The following ATP8A2 variants were observed in gnomAD, a reference collection of about 807,000 sequenced individuals.
ATP8A2 encodes the protein phospholipid-transporting ATPase IB.
ATP8A2 carries 100 observed loss-of-function variants against 165.6 expected under a neutral mutation model. The observed-to-expected ratio is 0.60, with a 90% CI of 0.51 to 0.71. ATP8A2 has a LOEUF of 0.71. Among genes scored for constraint, ATP8A2 ranks in the 30% least tolerant of loss-of-function variants. The pLI, the probability that ATP8A2 is intolerant of heterozygous loss-of-function variation, is 0.00. For missense variants in ATP8A2, 1,227 were observed against 1,479.5 expected, an observed-to-expected ratio of 0.83 and a Z score of 2.80; for synonymous variants, 543 against 548.8, an observed-to-expected ratio of 0.99 and a Z score of 0.15.
rs79292308 is a variant in ATP8A2, at chr13:25,457,855, C to G, written c.77-11122C>G. Among the ~76,000 whole-genome samples, 833 of 152,310 alleles carry G rather than the reference C, an allele frequency of 5.5e-3. 3 individuals carry two copies. Among genetic ancestry groups the G allele is most frequent in the Middle Eastern group, 0.034 (10 of 292 alleles). ...CAACAAGAGAGTCGGGAAAAGCCATCCTACTGGGGAAGTCTATTTTGTGTC... is the reference window on the plus strand; with the variant it reads ...CAACAAGAGAGTCGGGAAAAGCCATGCTACTGGGGAAGTCTATTTTGTGTC... On this transcript the variant is annotated intron_variant, in intron 1 of 36. Coordinates refer to ENST00000381655, the MANE Select transcript of ATP8A2 (RefSeq NM_016529.6).
At chr13:25,742,251 A>T (rs1274278659) in intron 25 of ATP8A2, among the ~76,000 whole-genome samples, 1 of 152,176 alleles carries the variant, frequency 6.6e-6, no homozygotes, top group Non-Finnish European at 1.5e-5. Flanking sequence ...CACAGTAAAA[A>T]TACAGCATTA....
At chr13:25,483,194 G>A (rs974024912) in intron 2 of ATP8A2, among the ~76,000 whole-genome samples, 4 of 152,222 alleles carry the variant, frequency 2.6e-5, no homozygotes, top group Non-Finnish European at 5.9e-5. Flanking sequence ...ACTTGGGATG[G>A]TTAGCAGTGG....
rs1285296706 is a variant in ATP8A2, at chr13:25,640,420, A to T, written c.2211+50721A>T. ...GACACAATAAAAAATGATAAAGGGG[A>T]TATCACCACCAATCCCACAGAAATA... On this transcript the variant is annotated intron_variant, in intron 24 of 36. Transcript: ENST00000381655. 5.3e-5 allele frequency among the ~76,000 whole-genome samples: 8 copies of T among 152,326 alleles called. No homozygotes were observed. In the South Asian group the frequency reaches 1.5e-3, roughly 28 times the overall value.
At chr13:25,411,022 T>G (rs765309519) in intron 1 of ATP8A2, among the ~76,000 whole-genome samples, 5 of 152,170 alleles carry the variant, frequency 3.3e-5, no homozygotes, top group Admixed American at 6.5e-5. Context: ...ACTCCAGGAG[T>G]TCTGGGCTCT....
Position 25,554,199 on chromosome 13 carries a change from C to T in ATP8A2, c.1185+279C>T, listed in dbSNP as rs748336424. Among the ~76,000 whole-genome samples, 8 of 152,136 alleles carry T rather than the reference C, an allele frequency of 5.3e-5. No homozygotes were observed. In the East Asian group the frequency reaches 7.7e-4, roughly 15 times the overall value. On this transcript the variant is annotated intron_variant, in intron 12 of 36. Transcript: ENST00000381655. ...GTCATCTGGCTGCACCTGCTATTCACGCTTTTAACATCTAATTAAGGCTGA... is the reference window on the plus strand; with the variant it reads ...GTCATCTGGCTGCACCTGCTATTCATGCTTTTAACATCTAATTAAGGCTGA...
At chr13:25,862,453 G>A (rs765483736) in intron 33 of ATP8A2, 45 bp downstream of exon 33, 2 of 1,460,734 alleles carry the variant, frequency 1.4e-6, no homozygotes, top group South Asian at 1.1e-5. Context: ...TCTTGTGACA[G>A]CAATGTTTCT....
chr13:25,813,428 G>A (rs1382841406), intron 27 of ATP8A2, among the ~76,000 whole-genome samples: 2 of 95,354 alleles, frequency 2.1e-5, no homozygotes, highest in Non-Finnish European at 4.3e-5. Context: ...ATATATGATG[G>A]TATGATATGA....
At chr13:25,495,501 C>A (rs1478662314) in intron 2 of ATP8A2, among the ~76,000 whole-genome samples, 1 of 151,932 alleles carries the variant, frequency 6.6e-6, no homozygotes, top group African/African-American at 2.4e-5. Flanking sequence ...GCTCTGTTAC[C>A]CAGGCTGGAG....
chr13:25,579,932 C>T lies in ATP8A2; in HGVS notation c.1992C>T (p.Tyr664=), dbSNP rs746325167. 84 of 1,613,844 alleles carry T rather than the reference C, an allele frequency of 5.2e-5. No individual in the cohort carries two copies. The Middle Eastern group carries it at 6.6e-4, about 13-fold the overall frequency. Residue 664 remains tyrosine (Y), a synonymous_variant, in exon 22 of 37, where the codon TAC becomes TAT. Transcript: ENST00000381655. ...KDRAQRLEEC[Y]EIIEKNLLLL... is the part of the protein sequence containing the mutation. ...GAGCTCAACGGTTGGAAGAGTGTTACGAGATCATTGAGAAGGTAACCGCAC... is the reference window on the plus strand; with the variant it reads ...GAGCTCAACGGTTGGAAGAGTGTTATGAGATCATTGAGAAGGTAACCGCAC...
At chr13:25,439,763 G>A (rs188593867) in intron 1 of ATP8A2, among the ~76,000 whole-genome samples, 3 of 152,096 alleles carry the variant, frequency 2.0e-5, no homozygotes, top group East Asian at 3.9e-4. Context: ...AAAATTAGCC[G>A]GTCATGATGG....
intron 33 of ATP8A2, among the ~76,000 whole-genome samples, chr13:25,875,483 CTG>C (rs762189796): frequency 6.6e-6 from 1 of 151,788 alleles, no homozygotes; most frequent in African/African-American, 2.4e-5. Context: ...TGCCTGGTAT[CTG>C]TTTGCTGCAT....
chr13:25,750,017 C>T lies in ATP8A2; in HGVS notation c.2385-19029C>T, dbSNP rs939494249. On this transcript the variant is annotated intron_variant, in intron 25 of 36. Coordinates refer to ENST00000381655, the MANE Select transcript of ATP8A2 (RefSeq NM_016529.6). This position sits in a 1 kb window ranked among gnomAD's most constrained non-coding sequence, Gnocchi z 4.3. ...CTCTAAAAAATAAAACAAAACAAAA[C>T]AAAAAAACGAAGAAGAAGAATTATT... Among the ~76,000 whole-genome samples the T allele has an allele frequency of 6.6e-6, 1 of 151,952 alleles. No homozygotes were observed. The highest frequency in any genetic ancestry group is 2.4e-5 in the African/African-American group (1 of 41,354).
At position 25,551,294 on chromosome 13, in the gene ATP8A2, A is replaced by G. The variant is rs765068666; in HGVS notation, c.892-44A>G. 14 of 1,575,642 alleles carry G rather than the reference A, an allele frequency of 8.9e-6. No individual in the cohort carries two copies. The Middle Eastern group carries it at 7.1e-4, about 80-fold the overall frequency. On this transcript the variant is annotated intron_variant, in intron 10 of 36. Transcript: ENST00000381655. ...TCCTTTCCCCCAACCCCTTGCCCCAAATCTGTTCTGTGACCCTTACTGACT... is the reference window on the plus strand; with the variant it reads ...TCCTTTCCCCCAACCCCTTGCCCCAGATCTGTTCTGTGACCCTTACTGACT...
rs1253457783 is a variant in ATP8A2 at position 25,372,450 on chromosome 13, C to T, written c.76+162C>T. Reference sequence around the variant, plus strand: ...ATCCGCCGACGCGGCGCGCTGGCCGCACGGGGGCTGGGCGTCGCTGCACCT... The same window carrying T: ...ATCCGCCGACGCGGCGCGCTGGCCGTACGGGGGCTGGGCGTCGCTGCACCT... On this transcript the variant is annotated intron_variant, in intron 1 of 36. Coordinates refer to ENST00000381655, the MANE Select transcript of ATP8A2 (RefSeq NM_016529.6). The surrounding 1 kb of genome is among the most constrained non-coding windows in gnomAD (Gnocchi z 4.8). Among the ~76,000 whole-genome samples the T allele has an allele frequency of 6.6e-6, 1 of 152,114 alleles. No homozygotes were observed. The highest frequency in any genetic ancestry group is 1.5e-5 in the Non-Finnish European group (1 of 68,000).
At chr13:25,832,384 G>T (rs1005671381) in intron 28 of ATP8A2, among the ~76,000 whole-genome samples, 33 of 152,292 alleles carry the variant, frequency 2.2e-4, no homozygotes, top group African/African-American at 7.0e-4. Context: ...AATGAATCCT[G>T]TTGTCAAGCC....
intron 2 of ATP8A2, among the ~76,000 whole-genome samples, chr13:25,527,865 G>T (rs1432864112): frequency 2.6e-5 from 4 of 152,096 alleles, no homozygotes; most frequent in South Asian, 4.1e-4. Context: ...ATGTGTATCT[G>T]GTTTATACAG....
chr13:25,439,784 T>C (rs971259804), intron 1 of ATP8A2, among the ~76,000 whole-genome samples: 1 of 151,994 alleles, frequency 6.6e-6, no homozygotes, highest in African/African-American at 2.4e-5. Context: ...TGTGCACCTG[T>C]AGTCCCCAGC....
At chr13:25,578,704 A>G in intron 20 of ATP8A2, 111 bp from the exon 21 acceptor site, 2 of 728,110 alleles carry the variant, frequency 2.7e-6, no homozygotes, top group Non-Finnish European at 4.9e-6. Flanking sequence ...CTACTTACCC[A>G]CTCGGGTATT....
intron 2 of ATP8A2, among the ~76,000 whole-genome samples, chr13:25,504,549 G>A (rs1427317646): frequency 6.8e-6 from 1 of 146,902 alleles, no homozygotes. Context: ...GACCATCCTG[G>A]CTAACAAGGT....
Sources: gnomAD v4.1 joint callset for allele counts (sites outside exome capture counted in the v4.1 genomes callset) on GRCh38, gnomAD v4.1.1 for gene constraint, Gnocchi (gnomAD v3.1) non-coding constraint, MANE v1.5 for transcripts, NCBI Gene and HGNC (gene_info 2026-07-23, HGNC 2026-07-21) for gene names.